Variants in RAD51B observed in about 807,000 individuals in gnomAD.
The protein encoded by RAD51B is RAD51 paralog B.
RAD51B carries 38 observed loss-of-function variants against 42.2 expected under a neutral mutation model. The ratio of observed to expected loss-of-function variants is 0.90; its 90% confidence interval spans 0.70 to 1.18. RAD51B has a LOEUF of 1.18. RAD51B is among the 50% of genes most tolerant of loss of function. The pLI, the probability that RAD51B is intolerant of heterozygous loss-of-function variation, is 0.00. For missense variants in RAD51B, 373 were observed against 400.7 expected (o/e 0.93, Z 0.59); for synonymous variants, 154 against 145.2 (o/e 1.06, Z -0.43).
chr14:68,578,280 A>T lies in RAD51B; in HGVS notation c.1037-16205A>T, dbSNP rs1246991423. Among the ~76,000 whole-genome samples the T allele has an allele frequency of 3.3e-5, 5 of 152,058 alleles. No homozygotes were observed. In the East Asian group the frequency reaches 9.6e-4, roughly 29 times the overall value. On this transcript the variant is annotated intron_variant, in intron 10 of 10. Coordinates refer to the RAD51B transcript ENST00000487270. ...TTTTCTATTGGCTGGGCGTGGTGGC[A>T]TGCACCTGTAATCCCAGCTACTCGG...
At chr14:68,599,124 C>T (rs1014459610), downstream of RAD51B, among the ~76,000 whole-genome samples, 2 of 152,306 alleles carry the variant, frequency 1.3e-5, no homozygotes, top group South Asian at 2.1e-4. Flanking sequence ...TGCTGACCGT[C>T]GGACATCGGC....
At chr14:68,294,193 A>G (rs1027868435) in intron 8 of RAD51B, among the ~76,000 whole-genome samples, 2 of 152,248 alleles carry the variant, frequency 1.3e-5, no homozygotes, top group African/African-American at 2.4e-5. Flanking sequence ...GGGTTGCAGT[A>G]TAACTGCCAC....
rs940315838 is a variant in RAD51B at position 67,864,761 on chromosome 14, A to C, written c.316-242A>C. The C allele has an allele frequency of 7.8e-6, 5 of 643,216 alleles. No homozygotes were observed. The African/African-American group carries it at 8.9e-5, about 11-fold the overall frequency. 39.8% of individuals were successfully genotyped at this position (643,216 alleles called of 1,614,324 possible). ...ACTACAAAATACAGTGGATGATTTG[A>C]GTGACTATTTTCTCAATTCCTCCAA... On this transcript the variant is annotated intron_variant, in intron 4 of 10. Transcript: ENST00000471583.
intron 7 of RAD51B, among the ~76,000 whole-genome samples, chr14:68,094,501 C>G (rs1178459215): frequency 6.6e-6 from 1 of 152,164 alleles, no homozygotes; most frequent in Admixed American, 6.6e-5. Flanking sequence ...TTAAAACACA[C>G]ACACATATAT....
intron 7 of RAD51B, among the ~76,000 whole-genome samples, chr14:68,129,128 G>A (rs900654969): frequency 7.2e-5 from 11 of 152,206 alleles, no homozygotes; most frequent in African/African-American, 9.7e-5. Flanking sequence ...GATCGGCTCT[G>A]AGATGTTAAC....
intron 8 of RAD51B, among the ~76,000 whole-genome samples, chr14:68,365,642 T>C (rs2083127070): frequency 6.6e-6 from 1 of 152,238 alleles, no homozygotes; most frequent in Admixed American, 6.5e-5. Flanking sequence ...CTCCATGTTC[T>C]AAAAAACAAA....
chr14:68,432,983 T>G (rs1285664540), intron 9 of RAD51B, among the ~76,000 whole-genome samples: 3 of 152,266 alleles, frequency 2.0e-5, no homozygotes, highest in South Asian at 2.1e-4. Flanking sequence ...GTCTGTAAAG[T>G]ATTTTATTTT....
At chr14:68,175,664 G>A (rs566712415) in intron 7 of RAD51B, among the ~76,000 whole-genome samples, 2 of 152,246 alleles carry the variant, frequency 1.3e-5, no homozygotes, top group East Asian at 3.9e-4. Flanking sequence ...GAATTATGGT[G>A]TCCGTTTAAC....
chr14:68,351,758 G>A (rs2082795611), intron 8 of RAD51B, among the ~76,000 whole-genome samples: 1 of 152,140 alleles, frequency 6.6e-6, no homozygotes. Flanking sequence ...GAACACAGTG[G>A]GGTTTTTGGT....
intron 10 of RAD51B, among the ~76,000 whole-genome samples, chr14:68,524,774 G>A (rs1307869406): frequency 5.3e-5 from 8 of 152,234 alleles, no homozygotes; most frequent in Non-Finnish European, 1.5e-5. Context: ...GGACGTAGCT[G>A]TAGTTCTTTA....
chr14:68,371,519 G>GAA (rs951276696), intron 8 of RAD51B, among the ~76,000 whole-genome samples: 1 of 146,042 alleles, frequency 6.8e-6, no homozygotes, highest in Non-Finnish European at 1.5e-5. Context: ...TCCATCTGAA[G>GAA]AAAAAAAAAA....
At chr14:67,915,068 G>A (rs546204920) in intron 7 of RAD51B, among the ~76,000 whole-genome samples, 104 of 152,222 alleles carry the variant, frequency 6.8e-4, no homozygotes, top group Admixed American at 3.7e-3. Flanking sequence ...AGACACTGGG[G>A]ACCATTACAG....
chr14:67,988,473 TAAAG>T (rs1369171728), intron 7 of RAD51B, among the ~76,000 whole-genome samples: 1 of 151,636 alleles, frequency 6.6e-6, no homozygotes, highest in Non-Finnish European at 1.5e-5. Flanking sequence ...AATAAAGAAA[TAAAG>T]AAATAAATAA....
chr14:68,126,788 C>T (rs2077769408), intron 7 of RAD51B, among the ~76,000 whole-genome samples: 1 of 152,144 alleles, frequency 6.6e-6, no homozygotes, highest in Non-Finnish European at 1.5e-5. Flanking sequence ...TCTACTTTCC[C>T]AGACTTAAAA....
chr14:68,035,090 G>A (rs112806105), intron 7 of RAD51B, among the ~76,000 whole-genome samples: 5 of 152,216 alleles, frequency 3.3e-5, no homozygotes, highest in South Asian at 2.1e-4. Flanking sequence ...TTCTTTTCCC[G>A]TATAGAAATT....
At chr14:68,368,241 T>C (rs1342002157) in intron 8 of RAD51B, among the ~76,000 whole-genome samples, 1 of 152,170 alleles carries the variant, frequency 6.6e-6, no homozygotes, top group Non-Finnish European at 1.5e-5. Flanking sequence ...GAGGCAGGTG[T>C]TTTACCTACA....
intron 7 of RAD51B, among the ~76,000 whole-genome samples, chr14:68,173,638 G>T (rs897888827): frequency 6.6e-6 from 1 of 152,170 alleles, no homozygotes; most frequent in Non-Finnish European, 1.5e-5. Context: ...GACTGTCTCA[G>T]TTCCTCAGTA....
chr14:68,376,340 G>C (rs2083369996), intron 8 of RAD51B, among the ~76,000 whole-genome samples: 1 of 152,148 alleles, frequency 6.6e-6, no homozygotes, highest in Non-Finnish European at 1.5e-5. Context: ...CCACCACCCA[G>C]CAGTATTTAG....
At chr14:68,471,822 C>G (rs2086135315) in intron 10 of RAD51B, among the ~76,000 whole-genome samples, 1 of 152,078 alleles carries the variant, frequency 6.6e-6, no homozygotes, top group African/African-American at 2.4e-5. Flanking sequence ...GTCTGTCCAG[C>G]GTTTGTCTGG....
Sources: gnomAD v4.1 joint callset for allele counts (sites outside exome capture counted in the v4.1 genomes callset) on GRCh38, gnomAD v4.1.1 for gene constraint, MANE v1.5 for transcripts, NCBI Gene and HGNC (gene_info 2026-07-23, HGNC 2026-07-21) for gene names.